Variants in ARHGEF35 observed in about 807,000 individuals in gnomAD.
ARHGEF35 encodes the protein Rho guanine nucleotide exchange factor 35, also known as Rho guanine nucleotide exchange factor (GEF) 35.
For missense variants in ARHGEF35, 114 were observed against 449.7 expected (o/e 0.25, Z 6.75); for synonymous variants, 47 against 170.4 (o/e 0.28, Z 5.64).
At chr7:144,190,854 A>G (rs555177680) in intron 1 of ARHGEF35, among the ~76,000 whole-genome samples, 37 of 143,958 alleles carry the variant, frequency 2.6e-4, no homozygotes, top group African/African-American at 9.1e-4. Context: ...CCCAGGAGGC[A>G]GAGGCTGCAG....
Position 144,187,113 on chromosome 7 carries a change from C to T in ARHGEF35, c.1271G>A (p.Gly424Asp), listed in dbSNP as rs571652509. The change falls in exon 2 of 2, where the codon GGT (glycine) becomes GAT (aspartate). Residue 424 changes from glycine to aspartate, a missense_variant. Coordinates refer to ENST00000378115, the MANE Select transcript of ARHGEF35 (RefSeq NM_001003702.3). ...EDSPHCDLFPGASYLVTQIPG... is the reference protein window; with the variant it reads ...EDSPHCDLFPDASYLVTQIPG... ...AATCTGAGTCACGAGATATGAGGCA[C>T]CTGGAAACAGGTCACAGTGAGGAGA... 1.7e-5 allele frequency: 26 copies of T among 1,531,902 alleles called. 1 individual carries two copies. In the East Asian group the frequency reaches 4.9e-4, roughly 29 times the overall value. 94.9% of individuals were successfully genotyped at this position (1,531,902 alleles called of 1,614,324 possible).
rs2051954292 is a variant in ARHGEF35 at position 144,186,583 on chromosome 7, T to G, written c.*346A>C. ...AACAAGAATATAAAACAACTCAAAA[T>G]GCCATTAACCAAAAGAATCTATTTG... On this transcript the variant is annotated 3_prime_UTR_variant, in exon 2 of 2. Coordinates refer to ENST00000378115, the MANE Select transcript of ARHGEF35 (RefSeq NM_001003702.3). 1 of 151,600 alleles carries G rather than the reference T, an allele frequency of 6.6e-6. No homozygotes were observed. Among genetic ancestry groups the G allele is most frequent in the Admixed American group, 6.9e-5 (1 of 14,466 alleles). The allele number at this position is 151,600 out of a possible 1,614,324, so 9.4% of individuals were successfully genotyped here. A position where few individuals can be genotyped will look rare whatever the true frequency, so the allele number is the denominator to read the frequency against.
Position 144,186,393 on chromosome 7 carries a change from A to G in ARHGEF35, c.*536T>C, listed in dbSNP as rs2051951557. 1.3e-5 allele frequency: 2 copies of G among 149,600 alleles called. No individual in the cohort carries two copies. The highest frequency in any genetic ancestry group is 5.6e-5 in the African/African-American group (2 of 35,400). The allele number at this position is 149,600 out of a possible 1,614,324, so 9.3% of individuals were successfully genotyped here. On this transcript the variant is annotated 3_prime_UTR_variant, in exon 2 of 2. Coordinates refer to ENST00000378115, the MANE Select transcript of ARHGEF35 (RefSeq NM_001003702.3). ...TTAGAAATTTCCTCATGCCTTTTTC[A>G]ATAATTGATAGAACTAGACAGAAAA...
At position 144,186,960 on chromosome 7, in the gene ARHGEF35, G is replaced by T. The variant is rs1373154551; in HGVS notation, c.1424C>A (p.Pro475His). The T allele has an allele frequency of 2.6e-6, 4 of 1,531,954 alleles. No individual in the cohort carries two copies. Among genetic ancestry groups the T allele is most frequent in the Non-Finnish European group, 1.8e-6 (2 of 1,115,108 alleles). 94.9% of individuals were successfully genotyped at this position (1,531,954 alleles called of 1,614,324 possible). A position where few individuals can be genotyped will look rare whatever the true frequency, so the allele number is the denominator to read the frequency against. Residue 475 changes from proline (P) to histidine (H), a missense_variant, in exon 2 of 2, where the codon CCT becomes CAT. Coordinates refer to ENST00000378115, the MANE Select transcript of ARHGEF35 (RefSeq NM_001003702.3). ...LLGSFLTEES[P>H]DKEKLLSVL ...TACTGATAGAAGTTTTTCCTTGTCA[G>T]GTGACTCCTCAGTCAAAAAGGAGCC...
At position 144,186,270 on chromosome 7, in the gene ARHGEF35, A is replaced by G. The variant is rs2051949533; in HGVS notation, c.*659T>C. 3 of 171,618 alleles carry G rather than the reference A, an allele frequency of 1.7e-5. No individual in the cohort carries two copies. The highest frequency in any genetic ancestry group is 1.2e-4 in the South Asian group (1 of 8,354). 10.6% of individuals were successfully genotyped at this position (171,618 alleles called of 1,614,324 possible). A position where few individuals can be genotyped will look rare whatever the true frequency, so the allele number is the denominator to read the frequency against. ...ACTGTATTCACTGTGGTTGTAGATAAATGTGAAAGTAACTTTATGCTTAAT... is the reference window on the plus strand; with the variant it reads ...ACTGTATTCACTGTGGTTGTAGATAGATGTGAAAGTAACTTTATGCTTAAT... On this transcript the variant is annotated 3_prime_UTR_variant, in exon 2 of 2. Coordinates refer to ENST00000378115, the MANE Select transcript of ARHGEF35 (RefSeq NM_001003702.3).
Position 144,186,888 on chromosome 7 carries a change from T to C in ARHGEF35, c.*41A>G. On this transcript the variant is annotated 3_prime_UTR_variant, in exon 2 of 2. Coordinates refer to ENST00000378115, the MANE Select transcript of ARHGEF35 (RefSeq NM_001003702.3). ...GTCAAAGAAGTCTCAAGGAAAAATT[T>C]AAAAATACATTGAACTGGATAAACA... The C allele has an allele frequency of 7.4e-7, 1 of 1,350,252 alleles. No individual in the cohort carries two copies. Among genetic ancestry groups the C allele is most frequent in the Non-Finnish European group, 9.9e-7 (1 of 1,007,272 alleles). The allele number at this position is 1,350,252 out of a possible 1,614,324, so 83.6% of individuals were successfully genotyped here. A position where few individuals can be genotyped will look rare whatever the true frequency, so the allele number is the denominator to read the frequency against.
chr7:144,192,230 T>TGTACAC (rs763325598), intron 1 of ARHGEF35, among the ~76,000 whole-genome samples: 764 of 62,644 alleles, frequency 0.012, 5 homozygotes, highest in Non-Finnish European at 0.014. Flanking sequence ...CCACTGTGTG[T>TGTACAC]ACACACACAC....
At chr7:144,191,221 CA>C (rs1265190429) in intron 1 of ARHGEF35, among the ~76,000 whole-genome samples, 1 of 102,754 alleles carries the variant, frequency 9.7e-6, no homozygotes, top group Non-Finnish European at 2.0e-5. Context: ...GATTCTTCAG[CA>C]GCCTCTGAAT....
In ARHGEF35 at chr7:144,187,053, A is replaced by C; in HGVS notation, c.1331T>G (p.Leu444Arg). The C allele has an allele frequency of 6.5e-7, 1 of 1,544,162 alleles. No homozygotes were observed. Among genetic ancestry groups the C allele is most frequent in the East Asian group, 2.2e-5 (1 of 44,784 alleles). Residue 444 changes from leucine to arginine, a missense_variant, in exon 2 of 2, where the codon CTG becomes CGG. Coordinates refer to ENST00000378115, the MANE Select transcript of ARHGEF35 (RefSeq NM_001003702.3). Reference protein sequence around the residue: ...GTQTESRAEELSPAALSPLLE... With the variant: ...GTQTESRAEERSPAALSPLLE... ...CAAGGGAGACAGAGCTGCGGGGGAC[A>C]GTTCCTCAGCCCTGGACTCTGTCTG...
At position 144,186,886 on chromosome 7, in the gene ARHGEF35, T is replaced by A; in HGVS notation, c.*43A>T. 1 of 1,342,428 alleles carries A rather than the reference T, an allele frequency of 7.4e-7. No individual in the cohort carries two copies. The highest frequency in any genetic ancestry group is 1.0e-6 in the Non-Finnish European group (1 of 1,002,130). The allele number at this position is 1,342,428 out of a possible 1,614,324, so 83.2% of individuals were successfully genotyped here. On this transcript the variant is annotated 3_prime_UTR_variant, in exon 2 of 2. Coordinates refer to ENST00000378115, the MANE Select transcript of ARHGEF35 (RefSeq NM_001003702.3). ...CAGTCAAAGAAGTCTCAAGGAAAAA[T>A]TTAAAAATACATTGAACTGGATAAA...
chr7:144,191,160 C>A lies in ARHGEF35; in HGVS notation c.-12-2765G>T, dbSNP rs1189111235. Among the ~76,000 whole-genome samples the A allele has an allele frequency of 1.9e-5, 2 of 108,016 alleles. 1 individual carries two copies. Among genetic ancestry groups the A allele is most frequent in the Admixed American group, 2.3e-4 (2 of 8,512 alleles). 70.9% of individuals were successfully genotyped at this position (108,016 alleles called of 152,430 possible). A position where few individuals can be genotyped will look rare whatever the true frequency, so the allele number is the denominator to read the frequency against. ...CCACCCATTTCACGTTATTCCAGTC[C>A]TTTCTCCATACAGCACCTAAGTGAG... On this transcript the variant is annotated intron_variant, in intron 1 of 1. Transcript: ENST00000378115.
Position 144,187,924 on chromosome 7 carries a change from G to GCCAAAATTCCACCTCCTCTTCTTCGCTT in ARHGEF35, c.432_459dup (p.Pro154LysfsTer32). On this transcript the variant is annotated frameshift_variant, in exon 2 of 2. Transcript: ENST00000378115. LOFTEE classifies it low-confidence loss of function (END_TRUNC). ...CCCAATGTCAAAGAAGTAAGTCCTG[G>GCCAAAATTCCACCTCCTCTTCTTCGCTT]CCAAAATTCCACCTCCTCTTCTTCG... The GCCAAAATTCCACCTCCTCTTCTTCGCTT allele has an allele frequency of 1.9e-6, 2 of 1,066,744 alleles. No individual in the cohort carries two copies. Among genetic ancestry groups the GCCAAAATTCCACCTCCTCTTCTTCGCTT allele is most frequent in the South Asian group, 2.5e-5 (2 of 78,944 alleles). The allele number at this position is 1,066,744 out of a possible 1,614,324, so 66.1% of individuals were successfully genotyped here.
In ARHGEF35 at chr7:144,189,591, C is replaced by G. The variant is rs1424317067; in HGVS notation, c.-12-1196G>C. Among the ~76,000 whole-genome samples, 15 of 94,262 alleles carry G rather than the reference C, an allele frequency of 1.6e-4. 2 individuals carry two copies. In the East Asian group the frequency reaches 7.6e-3, roughly 48 times the overall value. The allele number at this position is 94,262 out of a possible 152,430, so 61.8% of individuals were successfully genotyped here. On this transcript the variant is annotated intron_variant, in intron 1 of 1. Coordinates refer to ENST00000378115, the MANE Select transcript of ARHGEF35 (RefSeq NM_001003702.3). Reference sequence around the variant, plus strand: ...CTGCTGTCTTCATACTCTCACATCCCACCTGCCTCCAACTGAGCTTTGATA... The same window carrying G: ...CTGCTGTCTTCATACTCTCACATCCGACCTGCCTCCAACTGAGCTTTGATA...
At chr7:144,190,769 A>G in intron 1 of ARHGEF35, among the ~76,000 whole-genome samples, 2 of 150,104 alleles carry the variant, frequency 1.3e-5, no homozygotes, top group Non-Finnish European at 3.0e-5. Flanking sequence ...CAAAAAATAC[A>G]AAAATTAGTG....
Position 144,186,941 on chromosome 7 carries a change from T to C in ARHGEF35, c.1443A>G (p.Leu481=), listed in dbSNP as rs201120634. ...TEESPDKEKL[L]SVL The stretch of plus-strand genomic sequence containing the variant: ...AAACTGTGACATATCAAAGTACTGA[T>C]AGAAGTTTTTCCTTGTCAGGTGACT... Residue 481 remains leucine (L), a synonymous_variant, in exon 2 of 2, where the codon CTA becomes CTG. Transcript: ENST00000378115. The C allele has an allele frequency of 1.5e-5, 22 of 1,514,210 alleles. No homozygotes were observed. In the African/African-American group the frequency reaches 1.9e-4, roughly 13 times the overall value. 93.8% of individuals were successfully genotyped at this position (1,514,210 alleles called of 1,614,324 possible).
intron 1 of ARHGEF35, among the ~76,000 whole-genome samples, chr7:144,190,719 T>A (rs1220649283): frequency 2.0e-5 from 3 of 149,132 alleles, no homozygotes; most frequent in Non-Finnish European, 4.5e-5. Context: ...ATCTAGGAGT[T>A]TGAGACCAGC....
chr7:144,189,899 G>A (rs1194175686), intron 1 of ARHGEF35, among the ~76,000 whole-genome samples: 8 of 133,344 alleles, frequency 6.0e-5, no homozygotes, highest in African/African-American at 1.2e-4. Context: ...CTCCACCTCC[G>A]GGTTCAAGCG....
Position 144,186,787 on chromosome 7 carries a change from G to A in ARHGEF35, c.*142C>T. 4.0e-6 allele frequency: 3 copies of A among 744,892 alleles called. No homozygotes were observed. Among genetic ancestry groups the A allele is most frequent in the Non-Finnish European group, 6.2e-6 (3 of 485,796 alleles). 46.1% of individuals were successfully genotyped at this position (744,892 alleles called of 1,614,324 possible). On this transcript the variant is annotated 3_prime_UTR_variant, in exon 2 of 2. Coordinates refer to ENST00000378115, the MANE Select transcript of ARHGEF35 (RefSeq NM_001003702.3). ...AGAAATCATTGTAGGGAATCCAATT[G>A]GAAATCAGCATAAGAAAGATATGAA...
Position 144,186,994 on chromosome 7 carries a change from A to G in ARHGEF35, c.1390T>C (p.Ser464Pro), listed in dbSNP as rs773348100. 1.3e-6 allele frequency: 2 copies of G among 1,545,402 alleles called. No homozygotes were observed. Among genetic ancestry groups the G allele is most frequent in the Non-Finnish European group, 1.8e-6 (2 of 1,123,430 alleles). ...TCAGTCAAAAAGGAGCCCAGTAGAG[A>G]AATGGGCTGGTGAGAGCATCTGATG... ...EPIRCSHQPI[S>P]LLGSFLTEES... The change falls in exon 2 of 2, where the codon TCT becomes CCT. Residue 464 changes from serine to proline, a missense_variant. Ser to Pro is a moderately conservative substitution (Grantham distance 74). Coordinates refer to ENST00000378115, the MANE Select transcript of ARHGEF35 (RefSeq NM_001003702.3).
Sources: gnomAD v4.1 joint callset for allele counts (sites outside exome capture counted in the v4.1 genomes callset) on GRCh38, gnomAD v4.1.1 for gene constraint, MANE v1.5 for transcripts, NCBI Gene and HGNC (gene_info 2026-07-23, HGNC 2026-07-21) for gene names.